The following ATP2B2 variants were observed in gnomAD, a reference collection of about 807,000 sequenced individuals.
ATP2B2 encodes the protein plasma membrane calcium-transporting ATPase 2.
In ATP2B2, 15 loss-of-function variants were observed where a neutral mutation model predicts 120.0. That is an observed-to-expected ratio of 0.12 (90% CI 0.08 to 0.19). The LOEUF is 0.19. Ranked by LOEUF, ATP2B2 falls within the 10% of genes least tolerant of loss-of-function variation. ATP2B2 has a pLI of 1.00. For synonymous variants in ATP2B2, 694 were observed against 700.3 expected (o/e 0.99, Z 0.14); for missense variants, 1,045 against 1,719.8 (o/e 0.61, Z 6.94).
At chr3:10,561,372 T>A (rs1275146143) in intron 2 of ATP2B2, among the ~76,000 whole-genome samples, 1 of 152,202 alleles carries the variant, frequency 6.6e-6, no homozygotes, top group Non-Finnish European at 1.5e-5. Context: ...TTGCATGGCA[T>A]CATACTGGTT....
chr3:10,678,121 T>C (rs1181623356), intron 1 of ATP2B2, among the ~76,000 whole-genome samples: 1 of 152,264 alleles, frequency 6.6e-6, no homozygotes, highest in Non-Finnish European at 1.5e-5. Flanking sequence ...GACACCAATG[T>C]GCAAACCGTG....
At chr3:10,527,229 T>G (rs941565157) in intron 3 of ATP2B2, among the ~76,000 whole-genome samples, 1 of 152,178 alleles carries the variant, frequency 6.6e-6, no homozygotes, top group African/African-American at 2.4e-5. Context: ...AGGGGGCAGC[T>G]CAGAGCTAGC....
At chr3:10,349,967 T>C (rs1255894515) in intron 16 of ATP2B2, 145 bp downstream of exon 16, 2 of 765,398 alleles carry the variant, frequency 2.6e-6, no homozygotes, top group African/African-American at 1.8e-5. Flanking sequence ...GAAAAGGGGG[T>C]GACATAAGGC....
chr3:10,412,458 G>A (rs752253852), intron 2 of ATP2B2, among the ~76,000 whole-genome samples: 7 of 152,096 alleles, frequency 4.6e-5, no homozygotes, highest in Non-Finnish European at 8.8e-5. Flanking sequence ...AGTAGCTGGT[G>A]TGCCACTTTA....
chr3:10,671,867 C>A lies in ATP2B2; in HGVS notation c.-460+36048G>T, dbSNP rs182449753. On this transcript the variant is annotated intron_variant, in intron 1 of 21. Transcript: ENST00000646379. ...GTGGCCTCGGAAGGAGTCTGTACCC[C>A]GTAGGAAAGCACATCTCCTTAAAAT... 6.6e-5 allele frequency among the ~76,000 whole-genome samples: 10 copies of A among 152,234 alleles called. No homozygotes were observed. The East Asian group carries it at 1.9e-3, about 29-fold the overall frequency.
At chr3:10,388,045 G>A in intron 6 of ATP2B2, 2 of 544,548 alleles carry the variant, frequency 3.7e-6, no homozygotes, top group South Asian at 3.9e-5. Flanking sequence ...GGAGGGGAAG[G>A]AGGGGCCTCC....
intron 1 of ATP2B2, among the ~76,000 whole-genome samples, chr3:10,488,230 CACCT>C (rs1462303550): frequency 3.2e-4 from 42 of 130,112 alleles, no homozygotes; most frequent in African/African-American, 5.4e-4. Context: ...TCCACTCATC[CACCT>C]ATCCATCCAT....
At chr3:10,673,117 G>T (rs1422217693) in intron 1 of ATP2B2, among the ~76,000 whole-genome samples, 1 of 152,208 alleles carries the variant, frequency 6.6e-6, no homozygotes, top group African/African-American at 2.4e-5. Context: ...TAAGATGTGA[G>T]TGCTGATATG....
Position 10,497,429 on chromosome 3 carries a change from G to A in ATP2B2, c.-320+8036C>T, listed in dbSNP as rs377206355. Among the ~76,000 whole-genome samples, 347 of 152,308 alleles carry A rather than the reference G, an allele frequency of 2.3e-3. 20 individuals carry two copies. The South Asian group carries it at 0.07, about 31-fold the overall frequency. ...CTATAAAGCAAGTGCAGCCTCAACTGCTATTATTTTATTGAGCCTAGTGTT... is the reference window on the plus strand; with the variant it reads ...CTATAAAGCAAGTGCAGCCTCAACTACTATTATTTTATTGAGCCTAGTGTT... On this transcript the variant is annotated intron_variant, in intron 1 of 22. Transcript: ENST00000360273.
intron 2 of ATP2B2, among the ~76,000 whole-genome samples, chr3:10,597,296 GGCACAGAC>G (rs1211242074): frequency 8.1e-6 from 1 of 123,330 alleles, no homozygotes; most frequent in Non-Finnish European, 1.7e-5. Flanking sequence ...CACACACACA[GGCACAGAC>G]ACACAGACAC....
chr3:10,421,360 T>G (rs1365768506), intron 2 of ATP2B2, among the ~76,000 whole-genome samples: 6 of 152,096 alleles, frequency 3.9e-5, no homozygotes, highest in African/African-American at 1.4e-4. Flanking sequence ...AGGGCCCTTC[T>G]CCTTCCCTGA....
upstream of ATP2B2, among the ~76,000 whole-genome samples, chr3:10,508,253 G>A (rs1260238941): frequency 2.0e-5 from 3 of 152,136 alleles, no homozygotes; most frequent in Non-Finnish European, 4.4e-5. Context: ...TTTCCTTGTG[G>A]GTATACCCCA....
chr3:10,464,815 A>T (rs2064665628), intron 1 of ATP2B2, among the ~76,000 whole-genome samples: 1 of 152,180 alleles, frequency 6.6e-6, no homozygotes, highest in Non-Finnish European at 1.5e-5. Context: ...AGAAACTGGG[A>T]TGACAGTGAT....
At chr3:10,429,818 TA>T (rs1188860462) in intron 2 of ATP2B2, among the ~76,000 whole-genome samples, 1 of 152,214 alleles carries the variant, frequency 6.6e-6, no homozygotes, top group African/African-American at 2.4e-5. Context: ...AGAAGGAAAT[TA>T]AAAGTGCTAC....
intron 1 of ATP2B2, among the ~76,000 whole-genome samples, chr3:10,474,050 A>T (rs1415328288): frequency 6.6e-6 from 1 of 152,162 alleles, no homozygotes; most frequent in Non-Finnish European, 1.5e-5. Flanking sequence ...TGAGGTGGCT[A>T]CTGTGTCATC....
At chr3:10,497,761 A>G (rs575458525) in intron 1 of ATP2B2, among the ~76,000 whole-genome samples, 1 of 152,334 alleles carries the variant, frequency 6.6e-6, no homozygotes, top group African/African-American at 2.4e-5. Flanking sequence ...ACGGCCATTT[A>G]TTAAGCACCT....
intron 22 of ATP2B2, among the ~76,000 whole-genome samples, chr3:10,337,874 G>A (rs1436549149): frequency 2.0e-5 from 3 of 152,146 alleles, no homozygotes; most frequent in African/African-American, 7.2e-5. Context: ...TCTGCCCTCA[G>A]AGCCACCCTT....
chr3:10,589,377 C>T (rs2068589427), intron 2 of ATP2B2, among the ~76,000 whole-genome samples: 1 of 152,178 alleles, frequency 6.6e-6, no homozygotes, highest in Non-Finnish European at 1.5e-5. Flanking sequence ...TAAGGTACAG[C>T]CCCAAAGAGG....
chr3:10,693,700 G>A (rs1475637353), intron 1 of ATP2B2, among the ~76,000 whole-genome samples: 1 of 152,204 alleles, frequency 6.6e-6, no homozygotes, highest in African/African-American at 2.4e-5. Flanking sequence ...GCTCCCTCTT[G>A]TGGGGCAATC....
Sources: allele counts gnomAD v4.1 joint callset (sites outside exome capture counted in the v4.1 genomes callset), GRCh38; gene constraint gnomAD v4.1.1; transcripts MANE v1.5; gene names NCBI Gene and HGNC (gene_info 2026-07-23, HGNC 2026-07-21).